HYOU1: variants seen among roughly 807,000 people sequenced by gnomAD.
HYOU1 encodes the protein hypoxia up-regulated 1.
Under a neutral mutation model 120.5 loss-of-function variants are expected in HYOU1, and 40 were observed. The observed-to-expected ratio is 0.33, with a 90% CI of 0.26 to 0.43. HYOU1 has a LOEUF of 0.43. Among genes scored for constraint, HYOU1 ranks in the 20% least tolerant of loss-of-function variants. HYOU1 has a pLI of 1.00. For synonymous variants in HYOU1, 501 were observed against 479.4 expected (o/e 1.05, Z -0.59); for missense variants, 1,085 against 1,278.3 (o/e 0.85, Z 2.31).
intron 1 of HYOU1, 168 bp downstream of exon 1, chr11:119,056,852 C>T (rs1944808100): frequency 5.6e-6 from 1 of 177,340 alleles, no homozygotes; most frequent in Non-Finnish European, 1.2e-5. Flanking sequence ...CCCGGCCCGC[C>T]CCAGCAAGTG....
rs2133558360 is a variant in HYOU1, at chr11:119,047,812, G to A, written c.2517C>T (p.Ala839=). Residue 839 remains alanine, a synonymous_variant, in exon 22 of 26, where the codon GCC becomes GCT. Transcript: ENST00000617285. ...LNHSSMFLKG[A]RLIPEMDQIF... Reference sequence around the variant, plus strand: ...TCTGGTCCATCTCTGGGATGAGCCGGGCCCCCCTGGAAGCCAGAAAGGAGA... The same window carrying A: ...TCTGGTCCATCTCTGGGATGAGCCGAGCCCCCCTGGAAGCCAGAAAGGAGA... The A allele has an allele frequency of 1.2e-6, 2 of 1,613,816 alleles. No individual in the cohort carries two copies. Among genetic ancestry groups the A allele is most frequent in the Non-Finnish European group, 1.7e-6 (2 of 1,179,982 alleles).
Position 119,051,263 on chromosome 11 carries a change from G to A in HYOU1, c.1527-90C>T. 1 of 1,565,592 alleles carries A rather than the reference G, an allele frequency of 6.4e-7. No individual in the cohort carries two copies. Among genetic ancestry groups the A allele is most frequent in the Non-Finnish European group, 8.7e-7 (1 of 1,146,202 alleles). On this transcript the variant is annotated intron_variant, in intron 13 of 25. Transcript: ENST00000617285. This position sits in a 1 kb window ranked among gnomAD's most constrained non-coding sequence, Gnocchi z 4.2. ...ATGGCCTCCTGGCACAAGGTGTCAG[G>A]GGCACTCCCCAAGGGCACACTCAAG...
intron 21 of HYOU1, 33 bp downstream of exon 21, chr11:119,047,914 C>T: frequency 6.2e-7 from 1 of 1,613,878 alleles, no homozygotes; most frequent in South Asian, 1.1e-5. Flanking sequence ...GTGGCCTTGG[C>T]AGGACTGCAA....
intron 1 of HYOU1, among the ~76,000 whole-genome samples, chr11:119,056,578 C>T (rs545857807): frequency 6.6e-6 from 1 of 152,370 alleles, no homozygotes; most frequent in African/African-American, 2.4e-5. Context: ...CCCCCGCTGA[C>T]GGGGAAAGCC....
chr11:119,054,030 G>T, intron 8 of HYOU1, 91 bp downstream of exon 8: 1 of 757,902 alleles, frequency 1.3e-6, no homozygotes, highest in Non-Finnish European at 2.3e-6. Context: ...CCTGCAGCAT[G>T]CAGGAAAGCA....
At position 119,048,448 on chromosome 11, in the gene HYOU1, G is replaced by T. The variant is rs115520137; in HGVS notation, c.2253+28C>A. The T allele has an allele frequency of 3.2e-5, 51 of 1,613,264 alleles. No homozygotes were observed. The highest frequency in any genetic ancestry group is 3.0e-4 in the Admixed American group (18 of 60,014). The stretch of plus-strand genomic sequence containing the variant: ...CACAGAGCCAGGTGTAAGCCCAGTG[G>T]GGGGGCTGCTGCCTCCTGCCCACTG... On this transcript the variant is annotated intron_variant, in intron 19 of 25. Coordinates refer to ENST00000617285, the MANE Select transcript of HYOU1 (RefSeq NM_006389.5). The surrounding 1 kb of genome is among the most constrained non-coding windows in gnomAD (Gnocchi z 4.7).
At chr11:119,056,188 A>C in intron 1 of HYOU1, 21 bp from the exon 2 acceptor site, 1 of 1,532,474 alleles carries the variant, frequency 6.5e-7, no homozygotes. Context: ...CGAAGAAAGA[A>C]AACACTTAAA....
chr11:119,053,537 G>C (rs2133599910), intron 8 of HYOU1: 10 of 152,448 alleles, frequency 6.6e-5, no homozygotes, highest in African/African-American at 2.2e-4. Flanking sequence ...GGTTTTTAAA[G>C]AAACAGGTAA....
In HYOU1 at chr11:119,052,651, C is replaced by G; in HGVS notation, c.973G>C (p.Asp325His). ...RLKTVLSANADHMAQIEGLMD... is the reference protein window; with the variant it reads ...RLKTVLSANAHHMAQIEGLMD... Reference sequence around the variant, plus strand: ...CTTGTGGGCACCTGTGCCATGTGGTCAGCGTTGGCACTGAGGACGGTTTTG... The same window carrying G: ...CTTGTGGGCACCTGTGCCATGTGGTGAGCGTTGGCACTGAGGACGGTTTTG... The change falls in exon 9 of 26, where the codon GAC becomes CAC. Residue 325 changes from aspartate (D) to histidine (H), a missense_variant. This residue lies in a region of HYOU1 where 515 missense variants were observed against 677.8 expected (regional missense o/e 0.76). Transcript: ENST00000617285. This position sits in a 1 kb window ranked among gnomAD's most constrained non-coding sequence, Gnocchi z 5.0. The G allele has an allele frequency of 6.2e-7, 1 of 1,612,766 alleles. No homozygotes were observed. Among genetic ancestry groups the G allele is most frequent in the Non-Finnish European group, 8.5e-7 (1 of 1,179,180 alleles).
Position 119,048,700 on chromosome 11 carries a change from C to T in HYOU1, c.2165+14G>A, listed in dbSNP as rs2133566523. On this transcript the variant is annotated intron_variant, in intron 18 of 25. Coordinates refer to ENST00000617285, the MANE Select transcript of HYOU1 (RefSeq NM_006389.5). The surrounding 1 kb of genome is among the most constrained non-coding windows in gnomAD (Gnocchi z 4.7). ...ACACACATGTACACACACACACCAG[C>T]TGTCCTCACTTACTTCTGCACCGAC... 12 of 1,607,094 alleles carry T rather than the reference C, an allele frequency of 7.5e-6. No homozygotes were observed. The African/African-American group carries it at 8.0e-5, about 11-fold the overall frequency.
Position 119,052,355 on chromosome 11 carries a change from G to A in HYOU1, c.1062C>T (p.Asp354=). Reference sequence around the variant, plus strand: ...CAGGCCCAGGCACCCGCTCAAACAAGTCTGCACACAACTCCTCAAATTCCA... The same window carrying A: ...CAGGCCCAGGCACCCGCTCAAACAAATCTGCACACAACTCCTCAAATTCCA... ...TRVEFEELCA[D]LFERVPGPVQ... The change falls in exon 10 of 26, where the codon GAC becomes GAT. Residue 354 remains aspartate, a synonymous_variant. Coordinates refer to ENST00000617285, the MANE Select transcript of HYOU1 (RefSeq NM_006389.5). This position sits in a 1 kb window ranked among gnomAD's most constrained non-coding sequence, Gnocchi z 5.0. The A allele has an allele frequency of 6.2e-7, 1 of 1,614,192 alleles. No homozygotes were observed. The highest frequency in any genetic ancestry group is 8.5e-7 in the Non-Finnish European group (1 of 1,180,032).
chr11:119,052,726 G>A lies in HYOU1; in HGVS notation c.898C>T (p.Arg300Trp), dbSNP rs2133595124. The change falls in exon 9 of 26, where the codon CGG (arginine) becomes TGG (tryptophan). Residue 300 changes from arginine (R) to tryptophan (W), a missense_variant. Physicochemically the swap from Arg to Trp is moderately radical, Grantham distance 101. Around this residue, in one of 4 missense-constraint regions of HYOU1, gnomAD observed 515 missense variants for 677.8 expected, o/e 0.76. Coordinates refer to ENST00000617285, the MANE Select transcript of HYOU1 (RefSeq NM_006389.5). This position sits in a 1 kb window ranked among gnomAD's most constrained non-coding sequence, Gnocchi z 5.0. ...TTGGCCATGGCACGCGGGTTCTCCCGCACATCCTTTGCTCTCTGACCCTTG... is the reference window on the plus strand; with the variant it reads ...TTGGCCATGGCACGCGGGTTCTCCCACACATCCTTTGCTCTCTGACCCTTG... The part of the protein sequence containing the change: ...QRKGQRAKDV[R>W]ENPRAMAKLL... 31 of 1,614,042 alleles carry A rather than the reference G, an allele frequency of 1.9e-5. 1 individual carries two copies. Among genetic ancestry groups the A allele is most frequent in the Admixed American group, 3.3e-5 (2 of 59,984 alleles).
chr11:119,047,060 CCT>C, intron 22 of HYOU1: 1 of 432,388 alleles, frequency 2.3e-6, no homozygotes, highest in Admixed American at 4.0e-5. Flanking sequence ...CTTGAATAGT[CCT>C]TTTTTTTTTT....
At chr11:119,046,831 G>A (rs2133553681) in intron 22 of HYOU1, 29 bp from the exon 23 acceptor site, 2 of 1,595,886 alleles carry the variant, frequency 1.3e-6, no homozygotes, top group Admixed American at 3.3e-5. Flanking sequence ...GAGGCTCCAA[G>A]CTAGCCATGG....
At position 119,045,357 on chromosome 11, in the gene HYOU1, G is replaced by C; in HGVS notation, c.*236C>G. On this transcript the variant is annotated 3_prime_UTR_variant, in exon 26 of 26. Transcript: ENST00000617285. ...CCCAAATTTAGGGCCTATATGGGTA[G>C]GGAACAGGGAGTGGGGCTGGGGAGG... 1.5e-6 allele frequency: 1 copy of C among 671,118 alleles called. No individual in the cohort carries two copies. Among genetic ancestry groups the C allele is most frequent in the Non-Finnish European group, 2.7e-6 (1 of 366,564 alleles). The allele number at this position is 671,118 out of a possible 1,614,324, so 41.6% of individuals were successfully genotyped here. A position where few individuals can be genotyped will look rare whatever the true frequency, so the allele number is the denominator to read the frequency against.
intron 7 of HYOU1, 116 bp downstream of exon 7, chr11:119,054,378 G>C: frequency 8.2e-7 from 1 of 1,223,390 alleles, no homozygotes; most frequent in Non-Finnish European, 1.2e-6. Flanking sequence ...GGAGGCTATT[G>C]GTGCATTTTG....
Position 119,055,091 on chromosome 11 carries a change from G to A in HYOU1, c.420-31C>T, listed in dbSNP as rs1944671104. 1.2e-6 allele frequency: 2 copies of A among 1,613,804 alleles called. No individual in the cohort carries two copies. Among genetic ancestry groups the A allele is most frequent in the Non-Finnish European group, 1.7e-6 (2 of 1,179,754 alleles). ...GGGAAGGAAGGTAGTTGGAGCCAAGGAAAGCCAGGCATTAAGGCAGGACAA... is the reference window on the plus strand; with the variant it reads ...GGGAAGGAAGGTAGTTGGAGCCAAGAAAAGCCAGGCATTAAGGCAGGACAA... On this transcript the variant is annotated intron_variant, in intron 5 of 25. Transcript: ENST00000617285. The surrounding 1 kb of genome is among the most constrained non-coding windows in gnomAD (Gnocchi z 4.0).
Position 119,052,322 on chromosome 11 carries a change from C to T in HYOU1, c.1095G>A (p.Gln365=), listed in dbSNP as rs2133591948. The T allele has an allele frequency of 1.9e-6, 3 of 1,614,102 alleles. No homozygotes were observed. Reference sequence around the variant, plus strand: ...GACTCATTTCGGCACTCTGGAGGGCCTGCTGTACAGGCCCAGGCACCCGCT... The same window carrying T: ...GACTCATTTCGGCACTCTGGAGGGCTTGCTGTACAGGCCCAGGCACCCGCT... ...LFERVPGPVQ[Q]ALQSAEMSLD... Residue 365 remains glutamine, a synonymous_variant, in exon 10 of 26, where the codon CAG becomes CAA. Transcript: ENST00000617285. This position sits in a 1 kb window ranked among gnomAD's most constrained non-coding sequence, Gnocchi z 5.0.
In HYOU1 at chr11:119,054,510, A is replaced by G. The variant is rs2133605403; in HGVS notation, c.662T>C (p.Ile221Thr). The G allele has an allele frequency of 3.1e-6, 5 of 1,614,188 alleles. No homozygotes were observed. Among genetic ancestry groups the G allele is most frequent in the East Asian group, 2.2e-5 (1 of 44,882 alleles). Residue 221 changes from isoleucine (I) to threonine (T), a missense_variant, in exon 7 of 26, where the codon ATT becomes ACT. Ile to Thr is a moderately conservative substitution (Grantham distance 89). Around this residue, in one of 4 missense-constraint regions of HYOU1, gnomAD observed 515 missense variants for 677.8 expected, o/e 0.76. Coordinates refer to ENST00000617285, the MANE Select transcript of HYOU1 (RefSeq NM_006389.5). ...CTGGCTCACCTGGGCAGTGGTGTTA[A>G]TATCTTTCCGGCGGAAGACACCATA... ...LSYGVFRRKD[I>T]NTTAQNIMFY...
Sources: gnomAD v4.1 joint callset for allele counts (sites outside exome capture counted in the v4.1 genomes callset) on GRCh38, gnomAD v4.1.1 for gene constraint, gnomAD v4.1.1 regional missense constraint, Gnocchi (gnomAD v3.1) non-coding constraint, MANE v1.5 for transcripts, NCBI Gene and HGNC (gene_info 2026-07-23, HGNC 2026-07-21) for gene names.